ARL10: variants seen among roughly 807,000 people sequenced by gnomAD.
The protein encoded by ARL10 is ADP-ribosylation factor-like protein 10.
ARL10 carries 23 observed loss-of-function variants against 26.1 expected under a neutral mutation model. The observed-to-expected ratio is 0.88, with a 90% confidence interval of 0.63 to 1.25. The LOEUF is 1.25. ARL10 is among the 50% of genes most tolerant of loss of function. The pLI, the probability that ARL10 is intolerant of heterozygous loss-of-function variation, is 0.00. For missense variants in ARL10, 300 were observed against 323.6 expected, an observed-to-expected ratio of 0.93 and a Z score of 0.56; for synonymous variants, 138 against 149.1, an observed-to-expected ratio of 0.93 and a Z score of 0.54.
chr5:176,369,966 A>AAG, intron 3 of ARL10, among the ~76,000 whole-genome samples: 1 of 151,794 alleles, frequency 6.6e-6, no homozygotes, highest in Middle Eastern at 3.4e-3. Flanking sequence ...CTCAAAAAAA[A>AAG]AAAAAAAAAT....
chr5:176,400,336 A>G (rs575328274), intron 1 of ARL10, among the ~76,000 whole-genome samples: 1 of 152,210 alleles, frequency 6.6e-6, no homozygotes, highest in Non-Finnish European at 1.5e-5. Flanking sequence ...CTCAGTGAAT[A>G]GTAGCTAGAA....
downstream of ARL10, among the ~76,000 whole-genome samples, chr5:176,390,111 G>A (rs986826869): frequency 6.6e-6 from 1 of 151,206 alleles, no homozygotes; most frequent in African/African-American, 2.4e-5. Context: ...GAACCCGGGA[G>A]GCGGAGGTTG....
chr5:176,388,231 G>A (rs369929689), intron 1 of ARL10: 20 of 1,603,502 alleles, frequency 1.2e-5, no homozygotes, highest in Non-Finnish European at 1.7e-5. Context: ...TGCCATGTCA[G>A]TACCTTTCTC....
intron 1 of ARL10, chr5:176,388,249 G>C (rs750097354): frequency 6.2e-6 from 10 of 1,612,018 alleles, no homozygotes; most frequent in Non-Finnish European, 8.5e-6. Context: ...CTCTTACGGA[G>C]GGGCACCGCC....
At chr5:176,405,324 A>G (rs1269902443), downstream of ARL10, among the ~76,000 whole-genome samples, 19 of 151,964 alleles carry the variant, frequency 1.3e-4, no homozygotes, top group Admixed American at 1.2e-3. Flanking sequence ...CCACATCTCC[A>G]TAAAAAAATT....
chr5:176,367,215 G>C (rs1768346704), intron 2 of ARL10, among the ~76,000 whole-genome samples: 1 of 151,868 alleles, frequency 6.6e-6, no homozygotes. Flanking sequence ...CACCACATTG[G>C]TCAGGCTAGT....
the ARL10 span, among the ~76,000 whole-genome samples, chr5:176,408,658 G>A: frequency 6.6e-6 from 1 of 152,114 alleles, no homozygotes; most frequent in African/African-American, 2.4e-5. Flanking sequence ...GAGTAGCTGG[G>A]ACTATAGGCA....
downstream of ARL10, among the ~76,000 whole-genome samples, chr5:176,393,161 C>T (rs1221627244): frequency 4.6e-5 from 7 of 152,118 alleles, no homozygotes; most frequent in East Asian, 3.9e-4. The surrounding 1 kb of genome is among the most constrained non-coding windows in gnomAD (Gnocchi z 4.4). Flanking sequence ...TCCTGGAACA[C>T]GCTTCTCCCA....
the ARL10 span, chr5:176,410,117 C>A: frequency 1.4e-6 from 1 of 722,950 alleles, no homozygotes; most frequent in East Asian, 2.7e-5. Flanking sequence ...TTCCAAAAAC[C>A]TTTCTCTATG....
chr5:176,387,026 A>T (rs1755902959), intron 1 of ARL10: 1 of 835,558 alleles, frequency 1.2e-6, no homozygotes, highest in African/African-American at 1.7e-5. Flanking sequence ...GGTTAGGTAG[A>T]AGTAGGTAAC....
At chr5:176,390,136 C>T (rs895270190), downstream of ARL10, among the ~76,000 whole-genome samples, 5 of 144,298 alleles carry the variant, frequency 3.5e-5, no homozygotes, top group Admixed American at 2.2e-4. Flanking sequence ...GAGCTGAGAT[C>T]GCGCCATTGC....
At chr5:176,367,578 C>T (rs996036786) in intron 2 of ARL10, among the ~76,000 whole-genome samples, 4 of 152,204 alleles carry the variant, frequency 2.6e-5, no homozygotes, top group East Asian at 1.9e-4. Flanking sequence ...CCATGTGGCC[C>T]GCCCCAGCCA....
chr5:176,395,583 A>G (rs1192028626), intron 1 of ARL10, among the ~76,000 whole-genome samples: 1 of 151,806 alleles, frequency 6.6e-6, no homozygotes, highest in Non-Finnish European at 1.5e-5. Flanking sequence ...CCCCACCACC[A>G]CCCTCCAGGA....
chr5:176,380,943 T>G lies in ARL10; in HGVS notation c.*9048T>G, dbSNP rs553134290. ...ACCACACGCCCAACTAACTTCTGTATTTTTTGTAGAGATGGGGTTTTGCCA... is the reference window on the plus strand; with the variant it reads ...ACCACACGCCCAACTAACTTCTGTAGTTTTTGTAGAGATGGGGTTTTGCCA... On this transcript the variant is annotated 3_prime_UTR_variant, in exon 4 of 4. Coordinates refer to ENST00000310389, the MANE Select transcript of ARL10 (RefSeq NM_173664.6). 4 of 152,134 alleles carry G rather than the reference T, an allele frequency of 2.6e-5. No homozygotes were observed. The East Asian group carries it at 7.7e-4, about 29-fold the overall frequency. 9.4% of individuals were successfully genotyped at this position (152,134 alleles called of 1,614,324 possible).
At chr5:176,385,402 C>G, downstream of ARL10, 1 of 873,148 alleles carries the variant, frequency 1.1e-6, no homozygotes, top group Admixed American at 1.8e-5. Flanking sequence ...TCCAATCACC[C>G]CTTCACCCAC....
intron 1 of ARL10, among the ~76,000 whole-genome samples, chr5:176,387,323 G>A (rs984752189): frequency 1.3e-5 from 2 of 152,168 alleles, no homozygotes; most frequent in African/African-American, 2.4e-5. Flanking sequence ...CAAGTAATCC[G>A]TCTGTGCCTT....
downstream of ARL10, among the ~76,000 whole-genome samples, chr5:176,393,476 A>G (rs960317462): frequency 6.6e-6 from 1 of 152,232 alleles, no homozygotes; most frequent in Non-Finnish European, 1.5e-5. The surrounding 1 kb of genome is among the most constrained non-coding windows in gnomAD (Gnocchi z 4.4). Flanking sequence ...CTGTGGTCAA[A>G]TACCTATGGA....
intron 1 of ARL10, chr5:176,386,989 T>G (rs778391150): frequency 8.1e-7 from 1 of 1,229,128 alleles, no homozygotes; most frequent in Admixed American, 1.7e-5. Context: ...CCAACACAAC[T>G]ACTAACCCAT....
downstream of ARL10, among the ~76,000 whole-genome samples, chr5:176,403,461 T>TG (rs1037577966): frequency 1.7e-4 from 26 of 151,092 alleles, no homozygotes; most frequent in Admixed American, 4.0e-4. Context: ...TGTTTTGTTT[T>TG]TTTTCTTTTT....
Sources: gnomAD v4.1 joint callset for allele counts (sites outside exome capture counted in the v4.1 genomes callset) on GRCh38, gnomAD v4.1.1 for gene constraint, Gnocchi (gnomAD v3.1) non-coding constraint, MANE v1.5 for transcripts, NCBI Gene and HGNC (gene_info 2026-07-23, HGNC 2026-07-21) for gene names.